KCNMB3: variants seen among roughly 807,000 people sequenced by gnomAD.
The protein encoded by KCNMB3 is potassium calcium-activated channel subfamily M regulatory beta subunit 3.
Under a neutral mutation model 11.9 loss-of-function variants are expected in KCNMB3, and 18 were observed. The ratio of observed to expected loss-of-function variants is 1.51; its 90% CI spans 1.04 to 2.23. The LOEUF is 2.23. Among genes scored for constraint, KCNMB3 ranks in the 30% most tolerant of loss-of-function variants. The probability of loss-of-function intolerance (pLI) is 0.00; values close to 1 mark genes in which losing one functional copy is unlikely to be tolerated. For missense variants in KCNMB3, 247 were observed against 329.4 expected (o/e 0.75, Z 1.94); for synonymous variants, 78 against 119.2 (o/e 0.65, Z 2.25).
At chr3:179,256,439 G>GA (rs910848237), upstream of KCNMB3, among the ~76,000 whole-genome samples, 8 of 147,794 alleles carry the variant, frequency 5.4e-5, no homozygotes, top group South Asian at 6.4e-4. Flanking sequence ...CCATCTCAAA[G>GA]AAAAAAAAAG....
chr3:179,261,155 A>T, intron 1 of KCNMB3: 1 of 1,331,162 alleles, frequency 7.5e-7, no homozygotes, highest in Non-Finnish European at 1.0e-6. Context: ...CTTCATGGGG[A>T]TCTCACGAGC....
intron 1 of KCNMB3, among the ~76,000 whole-genome samples, chr3:179,262,003 A>G (rs1005406841): frequency 1.8e-4 from 27 of 152,252 alleles, no homozygotes; most frequent in African/African-American, 6.5e-4. Flanking sequence ...AACACTGATT[A>G]AAGGCTCAAT....
chr3:179,255,988 C>A (rs765812957), upstream of KCNMB3, among the ~76,000 whole-genome samples: 1 of 152,156 alleles, frequency 6.6e-6, no homozygotes, highest in Non-Finnish European at 1.5e-5. Flanking sequence ...CAGACAAAGA[C>A]ATTTCAAACA....
At chr3:179,261,176 G>A in intron 1 of KCNMB3, 6 of 1,335,832 alleles carry the variant, frequency 4.5e-6, no homozygotes, top group Non-Finnish European at 6.1e-6. Context: ...CTCCGCGCGG[G>A]CCTCCCGTTT....
Position 179,250,795 on chromosome 3 carries a change from C to T in KCNMB3, c.196G>A (p.Val66Ile). 6.2e-7 allele frequency: 1 copy of T among 1,614,212 alleles called. No homozygotes were observed. Among genetic ancestry groups the T allele is most frequent in the Non-Finnish European group, 8.5e-7 (1 of 1,180,046 alleles). Residue 66 changes from valine (V) to isoleucine (I), a missense_variant, in exon 1 of 3, where the codon GTC becomes ATC. Physicochemically the swap from Val to Ile is conservative, Grantham distance 29. Around this residue, in one of 2 missense-constraint regions of KCNMB3, gnomAD observed 160 missense variants for 157.5 expected, o/e 1.02. Coordinates refer to ENST00000392685, the MANE Select transcript of KCNMB3 (RefSeq NM_171830.2). ...MLGFAMMGFSVLMFFLLGTTI... is the reference protein window; with the variant it reads ...MLGFAMMGFSILMFFLLGTTI... ...GTTCCGAGCAAGAAGAACATTAGGA[C>T]TGAGAAGCCCATCATGGCAAACCCC...
chr3:179,256,392 C>T (rs1304240959), upstream of KCNMB3, among the ~76,000 whole-genome samples: 1 of 152,018 alleles, frequency 6.6e-6, no homozygotes, highest in African/African-American at 2.4e-5. Context: ...GCCAAGATCA[C>T]ACCACTGCAC....
chr3:179,254,577 G>A (rs1387744588), upstream of KCNMB3, among the ~76,000 whole-genome samples: 9 of 152,080 alleles, frequency 5.9e-5, no homozygotes, highest in African/African-American at 1.9e-4. Flanking sequence ...TTTGGAGGTC[G>A]AGGTGGGCGA....
At chr3:179,261,778 G>T (rs1726225127) in intron 1 of KCNMB3, among the ~76,000 whole-genome samples, 1 of 151,760 alleles carries the variant, frequency 6.6e-6, no homozygotes, top group Non-Finnish European at 1.5e-5. Context: ...CTAATACTCT[G>T]AAGTTTTCAA....
chr3:179,264,995 G>A (rs1478976709), intron 1 of KCNMB3, among the ~76,000 whole-genome samples: 1 of 152,200 alleles, frequency 6.6e-6, no homozygotes, highest in Admixed American at 6.5e-5. Context: ...CAATAATTCA[G>A]TTGTGCATTT....
At chr3:179,240,201 T>A (rs1008262775), downstream of KCNMB3, 2 of 579,994 alleles carry the variant, frequency 3.4e-6, no homozygotes, top group Non-Finnish European at 5.9e-6. Context: ...ATAATCAAAA[T>A]TTAGCTGAAT....
At chr3:179,252,108 T>C (rs1272542705), upstream of KCNMB3, among the ~76,000 whole-genome samples, 1 of 152,152 alleles carries the variant, frequency 6.6e-6, no homozygotes, top group Non-Finnish European at 1.5e-5. Context: ...GTTCTGACTT[T>C]GGAAATAATC....
intron 1 of KCNMB3, chr3:179,259,220 A>G (rs1726120716): frequency 1.3e-6 from 2 of 1,537,770 alleles, no homozygotes; most frequent in East Asian, 4.5e-5. Flanking sequence ...TTTCTGCTTC[A>G]CAGGCATCAC....
rs536227387 is a variant in KCNMB3, at chr3:179,246,436, G to A, written c.249-1743C>T. On this transcript the variant is annotated intron_variant, in intron 1 of 2. Coordinates refer to ENST00000392685, the MANE Select transcript of KCNMB3 (RefSeq NM_171830.2). ...CAAAAAAAAAAAAGTAAGAATGTTC[G>A]AAAAGCAATATTTAGCTAGGTTCAT... 8.6e-5 allele frequency among the ~76,000 whole-genome samples: 13 copies of A among 151,814 alleles called. No homozygotes were observed. In the South Asian group the frequency reaches 2.5e-3, roughly 29 times the overall value.
rs1726183795 is a variant in KCNMB3, at chr3:179,260,869, T to C, written c.62+5780A>G. On this transcript the variant is annotated intron_variant, in intron 1 of 3. Coordinates refer to the KCNMB3 transcript ENST00000349697. ...GCAACATATCTTTCAGGGTGTCAAC[T>C]TGGTAAATGAAGTTTGTGTTTTCAT... is the stretch of plus-strand genomic sequence containing the variant. 14 of 1,167,758 alleles carry C rather than the reference T, an allele frequency of 1.2e-5. No homozygotes were observed. The South Asian group carries it at 1.8e-4, about 15-fold the overall frequency. The allele number at this position is 1,167,758 out of a possible 1,614,324, so 72.3% of individuals were successfully genotyped here.
chr3:179,249,894 G>T (rs1335947572), intron 1 of KCNMB3, among the ~76,000 whole-genome samples: 1 of 152,170 alleles, frequency 6.6e-6, no homozygotes, highest in African/African-American at 2.4e-5. Flanking sequence ...GGAGTAGGGG[G>T]AGGGAGAGCA....
chr3:179,259,781 C>T lies in KCNMB3; in HGVS notation c.62+6868G>A. The T allele has an allele frequency of 2.5e-6, 4 of 1,601,496 alleles. No individual in the cohort carries two copies. In the South Asian group the frequency reaches 4.5e-5, roughly 18 times the overall value. On this transcript the variant is annotated intron_variant, in intron 1 of 3. Coordinates refer to the KCNMB3 transcript ENST00000349697. ...CCAATGCCTCTCCCTGTTGGTCATT[C>T]TTTTCTTCATCTGGCTCTTTCATAT...
intron 1 of KCNMB3, among the ~76,000 whole-genome samples, chr3:179,262,576 C>A (rs1364502983): frequency 7.2e-5 from 11 of 152,256 alleles, no homozygotes; most frequent in Admixed American, 7.2e-4. Flanking sequence ...GTTGCCACTG[C>A]TGGCTGGGGC....
chr3:179,258,485 G>A (rs968057576), intron 1 of KCNMB3, among the ~76,000 whole-genome samples: 5 of 152,144 alleles, frequency 3.3e-5, no homozygotes, highest in Non-Finnish European at 7.3e-5. Context: ...TCTTTTCAGT[G>A]ACCTATTTGC....
chr3:179,266,824 C>A (rs1403138343), exon 1 of KCNMB3: 7 of 1,469,702 alleles, frequency 4.8e-6, no homozygotes, highest in Non-Finnish European at 6.3e-6. Flanking sequence ...GAGCCCCCAG[C>A]CCCCAGCGCA....
Sources: allele counts gnomAD v4.1 joint callset (sites outside exome capture counted in the v4.1 genomes callset), GRCh38; gene constraint gnomAD v4.1.1; regional missense constraint gnomAD v4.1.1; transcripts MANE v1.5; gene names NCBI Gene and HGNC (gene_info 2026-07-23, HGNC 2026-07-21).